The following BLOC1S6 variants were observed in gnomAD, a reference collection of about 807,000 sequenced individuals.
The protein encoded by BLOC1S6 is biogenesis of lysosome-related organelles complex 1 subunit 6.
A neutral mutation model predicts 24.7 loss-of-function variants in BLOC1S6; 24 were observed. The observed-to-expected ratio is 0.97, with a 90% CI of 0.70 to 1.37. BLOC1S6 has a LOEUF of 1.37. BLOC1S6 is among the 40% of genes most tolerant of loss of function. The probability of loss-of-function intolerance (pLI) is 0.00; values close to 1 mark genes in which losing one functional copy is unlikely to be tolerated. For synonymous variants in BLOC1S6, 76 were observed against 72.6 expected, an observed-to-expected ratio of 1.05 and a Z score of -0.23; for missense variants, 175 against 196.2, an observed-to-expected ratio of 0.89 and a Z score of 0.64.
At position 45,605,494 on chromosome 15, in the gene BLOC1S6, G is replaced by GA. The variant is rs760848853; in HGVS notation, c.385dup (p.Thr129AsnfsTer10). 6.2e-7 allele frequency: 1 copy of GA among 1,606,406 alleles called. No homozygotes were observed. Among genetic ancestry groups the GA allele is most frequent in the Non-Finnish European group, 8.5e-7 (1 of 1,175,390 alleles). Reference sequence around the variant, plus strand: ...AAGAAAAGAGATGCTGATGCTTCATGAAAAAACATCAAAGTTAAAAGTGAG... The same window carrying GA: ...AAGAAAAGAGATGCTGATGCTTCATGAAAAAAACATCAAAGTTAAAAGTGAG... On this transcript the variant is annotated frameshift_variant, in exon 4 of 5. Coordinates refer to ENST00000220531, the MANE Select transcript of BLOC1S6 (RefSeq NM_012388.4). LOFTEE classifies it high-confidence loss of function.
intron 2 of BLOC1S6, among the ~76,000 whole-genome samples, chr15:45,596,771 C>G (rs1467750553): frequency 1.3e-5 from 2 of 151,862 alleles, no homozygotes; most frequent in African/African-American, 4.8e-5. Context: ...CTCTGCCTCT[C>G]AGGTTCGTGA....
intron 1 of BLOC1S6, among the ~76,000 whole-genome samples, chr15:45,591,586 C>T (rs1339682181): frequency 3.9e-5 from 6 of 152,146 alleles, no homozygotes; most frequent in African/African-American, 1.4e-4. Flanking sequence ...GTGTGTGCCA[C>T]CGTGCCCAGC....
chr15:45,592,091 AAAAT>A (rs765715179), intron 1 of BLOC1S6, 40 bp from the exon 2 acceptor site: 97 of 1,604,160 alleles, frequency 6.0e-5, no homozygotes, highest in Non-Finnish European at 7.7e-5. Context: ...CTAAAAAAAT[AAAAT>A]AAATAAAAGG....
intron 4 of BLOC1S6, 59 bp downstream of exon 4, chr15:45,605,573 GTT>G (rs368442198): frequency 6.9e-4 from 567 of 821,902 alleles, no homozygotes; most frequent in Middle Eastern, 1.5e-3. Context: ...GTTTTTTGTT[GTT>G]TTTTTTTTTT....
chr15:45,591,185 A>G (rs2140903394), intron 1 of BLOC1S6, among the ~76,000 whole-genome samples: 1 of 152,330 alleles, frequency 6.6e-6, no homozygotes, highest in East Asian at 1.9e-4. Context: ...AGAAATTCTT[A>G]GAAAATCCCT....
intron 2 of BLOC1S6, among the ~76,000 whole-genome samples, chr15:45,593,737 GATT>G (rs1893971037): frequency 6.6e-6 from 1 of 152,066 alleles, no homozygotes; most frequent in Admixed American, 6.6e-5. Context: ...AGACAACAAT[GATT>G]ATTTTGACGA....
At chr15:45,597,810 A>ATAGG (rs1894131754) in intron 2 of BLOC1S6, 1 of 244,844 alleles carries the variant, frequency 4.1e-6, no homozygotes, top group Non-Finnish European at 8.6e-6. Flanking sequence ...ATCTGGGAAC[A>ATAGG]AAGACAGTAT....
At chr15:45,590,408 C>CT (rs34886686) in intron 1 of BLOC1S6, among the ~76,000 whole-genome samples, 25,699 of 136,114 alleles carry the variant, frequency 0.19, 3,010 homozygotes, top group Non-Finnish European at 0.27. Context: ...TTTCCTCAAT[C>CT]TTTTTTTTTT....
At chr15:45,605,252 A>G (rs2140918738) in intron 3 of BLOC1S6, among the ~76,000 whole-genome samples, 176 bp from the exon 4 acceptor site, 1 of 152,382 alleles carries the variant, frequency 6.6e-6, no homozygotes, top group East Asian at 1.9e-4. Context: ...ATGTCTTTCA[A>G]ATCCTACTAA....
chr15:45,603,199 T>C lies in BLOC1S6; in HGVS notation c.312+12T>C. On this transcript the variant is annotated intron_variant, in intron 3 of 4. Coordinates refer to ENST00000220531, the MANE Select transcript of BLOC1S6 (RefSeq NM_012388.4). Reference sequence around the variant, plus strand: ...ATATTAATGCTTTGGTAAGTATGATTTAGTTGATGTAATTTAATGACATCT... The same window carrying C: ...ATATTAATGCTTTGGTAAGTATGATCTAGTTGATGTAATTTAATGACATCT... The C allele has an allele frequency of 6.6e-7, 1 of 1,516,826 alleles. No homozygotes were observed. The highest frequency in any genetic ancestry group is 2.3e-5 in the East Asian group (1 of 44,192). The allele number at this position is 1,516,826 out of a possible 1,614,324, so 94.0% of individuals were successfully genotyped here.
At chr15:45,597,856 CT>C in intron 2 of BLOC1S6, 1 of 359,046 alleles carries the variant, frequency 2.8e-6, no homozygotes, top group South Asian at 2.0e-5. Flanking sequence ...CCTTTTATTT[CT>C]TTTTCTTGTC....
intron 1 of BLOC1S6, among the ~76,000 whole-genome samples, chr15:45,590,595 A>C (rs1226815493): frequency 6.6e-6 from 1 of 152,086 alleles, no homozygotes; most frequent in East Asian, 1.9e-4. Context: ...TTTAGTTGAG[A>C]TGGAGTTTCA....
chr15:45,601,528 A>C (rs1382624516), intron 2 of BLOC1S6: 8 of 152,330 alleles, frequency 5.3e-5, no homozygotes, highest in African/African-American at 1.7e-4. Flanking sequence ...CATCCACATT[A>C]TCAAATTTAT....
At chr15:45,605,039 T>C (rs933018843) in intron 3 of BLOC1S6, among the ~76,000 whole-genome samples, 4 of 152,244 alleles carry the variant, frequency 2.6e-5, no homozygotes, top group Non-Finnish European at 5.9e-5. Flanking sequence ...TTAAACTGTT[T>C]CATGTGCTCT....
Position 45,607,346 on chromosome 15 carries a change from T to C in BLOC1S6, c.*832T>C, listed in dbSNP as rs958799878. 1.3e-5 allele frequency: 2 copies of C among 152,232 alleles called. No homozygotes were observed. Among genetic ancestry groups the C allele is most frequent in the Non-Finnish European group, 1.5e-5 (1 of 68,072 alleles). 9.4% of individuals were successfully genotyped at this position (152,232 alleles called of 1,614,324 possible). A position where few individuals can be genotyped will look rare whatever the true frequency, so the allele number is the denominator to read the frequency against. ...TGTGGCTTTTGGGTTCAAAGTAGAT[T>C]ATATATATTCCTAAAGCTTGGTGGA... is the stretch of plus-strand genomic sequence containing the variant. On this transcript the variant is annotated 3_prime_UTR_variant, in exon 5 of 5. Transcript: ENST00000220531.
chr15:45,591,969 A>C, intron 1 of BLOC1S6, 166 bp from the exon 2 acceptor site: 1 of 747,026 alleles, frequency 1.3e-6, no homozygotes, highest in East Asian at 2.8e-5. Context: ...TAGCTGTGTC[A>C]ATTTGAAAGG....
chr15:45,591,911 C>A (rs1893900135), intron 1 of BLOC1S6: 1 of 534,260 alleles, frequency 1.9e-6, no homozygotes, highest in Non-Finnish European at 3.3e-6. Flanking sequence ...TGCCCTCAAC[C>A]CCATTTGTGG....
At chr15:45,603,020 C>A in intron 2 of BLOC1S6, 80 bp from the exon 3 acceptor site, 1 of 901,068 alleles carries the variant, frequency 1.1e-6, no homozygotes, top group Non-Finnish European at 1.8e-6. Context: ...TTACCATTAA[C>A]CAAGATGAAT....
intron 2 of BLOC1S6, among the ~76,000 whole-genome samples, chr15:45,597,353 C>T (rs1034298022): frequency 6.6e-6 from 1 of 152,024 alleles, no homozygotes; most frequent in African/African-American, 2.4e-5. Context: ...GTGGTGTGCA[C>T]CTGTAGTCAT....
Sources: gnomAD v4.1 joint callset for allele counts (sites outside exome capture counted in the v4.1 genomes callset) on GRCh38, gnomAD v4.1.1 for gene constraint, MANE v1.5 for transcripts, NCBI Gene and HGNC (gene_info 2026-07-23, HGNC 2026-07-21) for gene names.